Variants in TCF12 observed in about 807,000 individuals in gnomAD.
TCF12 encodes DNA-binding protein HTF4.
A neutral mutation model predicts 86.0 loss-of-function variants in TCF12; 45 were observed. The ratio of observed to expected loss-of-function variants is 0.52; its 90% confidence interval spans 0.41 to 0.67. TCF12 has a LOEUF of 0.67. Among genes scored for constraint, TCF12 ranks in the 30% least tolerant of loss-of-function variants. TCF12 has a pLI of 0.00. For missense variants in TCF12, 881 were observed against 859.9 expected (o/e 1.02, Z -0.31); for synonymous variants, 330 against 299.6 (o/e 1.10, Z -1.05).
chr15:57,099,825 T>C (rs758713867), intron 5 of TCF12, among the ~76,000 whole-genome samples: 7 of 152,174 alleles, frequency 4.6e-5, no homozygotes, highest in Non-Finnish European at 1.0e-4. Flanking sequence ...AGCAATCAAC[T>C]GTGGCTTGAG....
intron 3 of TCF12, among the ~76,000 whole-genome samples, chr15:56,959,905 T>A (rs1192032321): frequency 6.6e-6 from 1 of 152,168 alleles, no homozygotes. Flanking sequence ...TACAAAAAAA[T>A]TAGCAAGATT....
intron 5 of TCF12, among the ~76,000 whole-genome samples, chr15:57,154,764 A>G (rs2054000695): frequency 6.6e-6 from 1 of 152,224 alleles, no homozygotes; most frequent in Non-Finnish European, 1.5e-5. Context: ...GAAAGTATCC[A>G]AAAGTTTCCT....
chr15:57,072,749 A>G (rs770274762), intron 4 of TCF12: 2 of 1,261,086 alleles, frequency 1.6e-6, no homozygotes, highest in South Asian at 2.7e-5. Context: ...CTGTGTTCCC[A>G]TTAATCTCTG....
intron 8 of TCF12, among the ~76,000 whole-genome samples, chr15:57,221,639 A>T (rs555162634): frequency 6.6e-6 from 1 of 152,154 alleles, no homozygotes; most frequent in Admixed American, 6.5e-5. Flanking sequence ...GTCTGTGCCT[A>T]ATATAGGTCA....
At chr15:57,003,870 TCTC>T (rs1376229798) in intron 3 of TCF12, among the ~76,000 whole-genome samples, 1 of 152,238 alleles carries the variant, frequency 6.6e-6, no homozygotes, top group Non-Finnish European at 1.5e-5. Flanking sequence ...CTTCTTCCTC[TCTC>T]CTCAGTATTT....
At chr15:56,998,975 G>A (rs2063865177) in intron 3 of TCF12, among the ~76,000 whole-genome samples, 1 of 152,116 alleles carries the variant, frequency 6.6e-6, no homozygotes, top group African/African-American at 2.4e-5. Flanking sequence ...GAGACGGGCG[G>A]ATCATGAGGT....
intron 16 of TCF12, among the ~76,000 whole-genome samples, chr15:57,255,179 A>G (rs768876041): frequency 6.6e-6 from 1 of 152,158 alleles, no homozygotes; most frequent in Non-Finnish European, 1.5e-5. Flanking sequence ...AGTATTTATT[A>G]TATATCTGGC....
At chr15:56,932,082 T>TA (rs1388029086) in intron 3 of TCF12, among the ~76,000 whole-genome samples, 15 of 152,186 alleles carry the variant, frequency 9.9e-5, no homozygotes, top group African/African-American at 3.6e-4. Flanking sequence ...GAGCAGACTC[T>TA]ATTCTCACTG....
At chr15:57,063,647 A>G in intron 3 of TCF12, 103 bp from the exon 4 acceptor site, 1 of 827,608 alleles carries the variant, frequency 1.2e-6, no homozygotes, top group East Asian at 2.5e-5. Flanking sequence ...CTCTTCCACG[A>G]AAGCGCAAAT....
At position 57,150,873 on chromosome 15, in the gene TCF12, C is replaced by CCCTTCCTTCCTT. The variant is rs374734642; in HGVS notation, c.326-15475_326-15464dup. Among the ~76,000 whole-genome samples the CCCTTCCTTCCTT allele has an allele frequency of 5.3e-3, 214 of 40,642 alleles. 1 individual carries two copies. The highest frequency in any genetic ancestry group is 0.015 in the African/African-American group (193 of 13,034). The allele number at this position is 40,642 out of a possible 152,430, so 26.7% of individuals were successfully genotyped here. A position where few individuals can be genotyped will look rare whatever the true frequency, so the allele number is the denominator to read the frequency against. On this transcript the variant is annotated intron_variant, in intron 5 of 20. Coordinates refer to ENST00000333725, the MANE Select transcript of TCF12 (RefSeq NM_207037.2). ...TCCCTCCCTGTCTCTCCCCCTCTGT[C>CCCTTCCTTCCTT]CCTTCCTTCCTTCCTTCCTTCCTTC... is the stretch of plus-strand genomic sequence containing the variant.
chr15:57,153,858 CA>C (rs1292050423), intron 5 of TCF12, among the ~76,000 whole-genome samples: 19 of 144,202 alleles, frequency 1.3e-4, no homozygotes, highest in Non-Finnish European at 1.5e-4. Context: ...TCTGTCTCTC[CA>C]AAAAAAAAAC....
intron 19 of TCF12, chr15:57,281,729 A>G (rs1247055180): frequency 6.6e-6 from 1 of 152,442 alleles, no homozygotes; most frequent in East Asian, 1.9e-4. Context: ...ATTCTGTCCC[A>G]TCACCCCCAG....
At chr15:57,070,185 T>C (rs1240001898) in intron 4 of TCF12, among the ~76,000 whole-genome samples, 1 of 151,512 alleles carries the variant, frequency 6.6e-6, no homozygotes, top group Non-Finnish European at 1.5e-5. Context: ...CAAGATGATA[T>C]CCGGGATTTT....
chr15:57,161,573 A>G (rs16977272), intron 5 of TCF12, among the ~76,000 whole-genome samples: 6,314 of 152,218 alleles, frequency 0.041, 369 homozygotes, highest in African/African-American at 0.13. Flanking sequence ...ATATTTTCCA[A>G]TAATATGTTG....
chr15:57,066,764 T>A (rs1415685044), intron 4 of TCF12, among the ~76,000 whole-genome samples: 1 of 152,234 alleles, frequency 6.6e-6, no homozygotes, highest in Non-Finnish European at 1.5e-5. Context: ...GAAACAATAC[T>A]TTCTTTACAA....
At chr15:57,063,183 C>G (rs1459654049) in intron 3 of TCF12, among the ~76,000 whole-genome samples, 2 of 152,114 alleles carry the variant, frequency 1.3e-5, no homozygotes, top group Non-Finnish European at 2.9e-5. Context: ...AAGTGTCACC[C>G]ACAAAATTAC....
chr15:57,192,455 C>T (rs1274601107), intron 7 of TCF12, among the ~76,000 whole-genome samples, 162 bp downstream of exon 7: 2 of 151,828 alleles, frequency 1.3e-5, no homozygotes, highest in African/African-American at 2.4e-5. Flanking sequence ...ACAGCACAAT[C>T]TTGGCTTACC....
intron 6 of TCF12, among the ~76,000 whole-genome samples, chr15:57,170,913 A>T (rs1277890191): frequency 1.4e-5 from 2 of 139,830 alleles, no homozygotes; most frequent in African/African-American, 5.5e-5. Context: ...AAGTGCTGTG[A>T]TTACAGACAA....
intron 3 of TCF12, among the ~76,000 whole-genome samples, chr15:57,046,670 G>T (rs947014863): frequency 9.9e-5 from 15 of 152,220 alleles, no homozygotes; most frequent in African/African-American, 3.6e-4. Flanking sequence ...TGGCCAGGCT[G>T]TTCTCGAACT....
Sources: allele counts gnomAD v4.1 joint callset (sites outside exome capture counted in the v4.1 genomes callset), GRCh38; gene constraint gnomAD v4.1.1; transcripts MANE v1.5; gene names NCBI Gene and HGNC (gene_info 2026-07-23, HGNC 2026-07-21).